Variants in KAZN observed in about 807,000 individuals in gnomAD.
KAZN encodes the protein kazrin.
Under a neutral mutation model 87.4 loss-of-function variants are expected in KAZN, and 40 were observed. That is an observed-to-expected ratio of 0.46 (90% CI 0.36 to 0.60). The LOEUF is 0.60. KAZN is among the 20% of genes least tolerant of loss of function. The pLI, the probability that KAZN is intolerant of heterozygous loss-of-function variation, is 0.00. For synonymous variants in KAZN, 466 were observed against 458.3 expected, an observed-to-expected ratio of 1.02 and a Z score of -0.22; for missense variants, 898 against 1,073.9, an observed-to-expected ratio of 0.84 and a Z score of 2.29.
In KAZN at chr1:14,869,680, G is replaced by A. The variant is rs538671187; in HGVS notation, c.227-91004G>A. On this transcript the variant is annotated intron_variant, in intron 1 of 14. Transcript: ENST00000376030. ...GGGGTTGAAAGCTGGCATGTGCCTCGTCTCTTGCTAATCAATATTCCAAAG... is the reference window on the plus strand; with the variant it reads ...GGGGTTGAAAGCTGGCATGTGCCTCATCTCTTGCTAATCAATATTCCAAAG... 1.7e-4 allele frequency among the ~76,000 whole-genome samples: 26 copies of A among 152,248 alleles called. No individual in the cohort carries two copies. In the East Asian group the frequency reaches 4.8e-3, roughly 28 times the overall value.
chr1:14,654,321 G>A (rs1195925978), intron 1 of KAZN, among the ~76,000 whole-genome samples: 1 of 149,660 alleles, frequency 6.7e-6, no homozygotes, highest in Non-Finnish European at 1.5e-5. Flanking sequence ...TCCAGATATT[G>A]CCAGCAATGT....
chr1:14,810,434 G>A (rs953043537), intron 1 of KAZN, among the ~76,000 whole-genome samples: 1 of 152,078 alleles, frequency 6.6e-6, no homozygotes, highest in African/African-American at 2.4e-5. Context: ...GGCATCCTCA[G>A]CCCCCAGCCA....
chr1:14,587,163 C>T (rs1478814795), intron 2 of KAZN, among the ~76,000 whole-genome samples: 5 of 152,102 alleles, frequency 3.3e-5, no homozygotes, highest in African/African-American at 4.8e-5. Flanking sequence ...GGGCCAGGCG[C>T]GGTGGCTCAT....
In KAZN at chr1:14,104,035, G is replaced by C. The variant is rs1644316443; in HGVS notation, c.92-76400G>C. 2.0e-5 allele frequency among the ~76,000 whole-genome samples: 3 copies of C among 152,130 alleles called. 1 individual carries two copies. In the South Asian group the frequency reaches 6.2e-4, roughly 32 times the overall value. ...CAGGGATGCCTGTGGAGGGTGTTGG[G>C]GGTTACTGGAGACAGCGAAGACACT... On this transcript the variant is annotated intron_variant, in intron 1 of 16. Coordinates refer to the KAZN transcript ENST00000636203.
At chr1:15,078,704 T>C (rs1433651638) in intron 8 of KAZN, among the ~76,000 whole-genome samples, 1 of 152,172 alleles carries the variant, frequency 6.6e-6, no homozygotes, top group Non-Finnish European at 1.5e-5. Context: ...TAACAGATTC[T>C]AGAAGGGCAT....
At chr1:14,356,257 C>CAT (rs1659019126) in intron 2 of KAZN, among the ~76,000 whole-genome samples, 1 of 152,100 alleles carries the variant, frequency 6.6e-6, no homozygotes, top group Non-Finnish European at 1.5e-5. Flanking sequence ...ATATCCTTTG[C>CAT]CCACTTTTTG....
At chr1:13,936,418 C>T (rs1262843970) in intron 1 of KAZN, among the ~76,000 whole-genome samples, 2 of 151,970 alleles carry the variant, frequency 1.3e-5, no homozygotes, top group Non-Finnish European at 1.5e-5. Flanking sequence ...TGCAGTTTTG[C>T]TATATGGATA....
chr1:14,031,900 T>C (rs146450474), intron 1 of KAZN, among the ~76,000 whole-genome samples: 1 of 145,046 alleles, frequency 6.9e-6, no homozygotes, highest in African/African-American at 2.9e-5. Context: ...GCTTTTCTTG[T>C]TAACAAAACC....
intron 2 of KAZN, among the ~76,000 whole-genome samples, chr1:14,338,399 C>A (rs1184854156): frequency 6.6e-6 from 1 of 150,418 alleles, no homozygotes; most frequent in African/African-American, 2.4e-5. Flanking sequence ...GCAGGAGAAT[C>A]GCTGGAACTT....
chr1:14,924,634 G>T (rs1471342282), intron 1 of KAZN: 39 of 937,654 alleles, frequency 4.2e-5, no homozygotes, highest in Admixed American at 6.0e-5. Context: ...AGCCGCCGGG[G>T]CCGGGCGCGC....
chr1:13,981,089 T>TTATATATATATATATATATATA lies in KAZN; in HGVS notation c.91+87354_91+87355insATATATATATATATATATATAT, dbSNP rs1205017791. The stretch of plus-strand genomic sequence containing the variant: ...TTGGAGAGGTATAAAAAATTACTCT[T>TTATATATATATATATATATATA]TATATATATATATATATATATGTAT... On this transcript the variant is annotated intron_variant, in intron 1 of 16. Transcript: ENST00000636203. Among the ~76,000 whole-genome samples, 82 of 63,104 alleles carry TTATATATATATATATATATATA rather than the reference T, an allele frequency of 1.3e-3. 9 individuals carry two copies. Among genetic ancestry groups the TTATATATATATATATATATATA allele is most frequent in the African/African-American group, 4.5e-3 (77 of 17,208 alleles). The allele number at this position is 63,104 out of a possible 152,430, so 41.4% of individuals were successfully genotyped here.
intron 1 of KAZN, among the ~76,000 whole-genome samples, chr1:14,777,085 C>G (rs1645199102): frequency 6.6e-6 from 1 of 152,190 alleles, no homozygotes; most frequent in African/African-American, 2.4e-5. Flanking sequence ...ACTGCAAGTG[C>G]TGCCTCCCGG....
At chr1:14,423,654 C>A (rs1159010804) in intron 2 of KAZN, among the ~76,000 whole-genome samples, 1 of 152,190 alleles carries the variant, frequency 6.6e-6, no homozygotes, top group Non-Finnish European at 1.5e-5. Context: ...CATAGTCACT[C>A]TGTAACCATA....
At chr1:14,110,578 G>T (rs1644480151) in intron 1 of KAZN, among the ~76,000 whole-genome samples, 1 of 139,348 alleles carries the variant, frequency 7.2e-6, no homozygotes, top group African/African-American at 2.7e-5. Flanking sequence ...CTCTTAGGAG[G>T]TTTTATTTGC....
chr1:14,802,890 G>A (rs958627695), intron 1 of KAZN, among the ~76,000 whole-genome samples: 2 of 152,174 alleles, frequency 1.3e-5, no homozygotes, highest in Non-Finnish European at 2.9e-5. Context: ...CGAGGAGTGA[G>A]CAGCATTGGC....
intron 1 of KAZN, among the ~76,000 whole-genome samples, chr1:14,684,614 T>C (rs1467364756): frequency 6.6e-6 from 1 of 152,186 alleles, no homozygotes; most frequent in Non-Finnish European, 1.5e-5. Context: ...AGGAGAGATG[T>C]TTCTTCGCTC....
At chr1:15,103,900 T>C in intron 12 of KAZN, 123 bp from the exon 13 acceptor site, 1 of 996,824 alleles carries the variant, frequency 1.0e-6, no homozygotes, top group Non-Finnish European at 1.5e-6. Flanking sequence ...CACCGTCAAA[T>C]TAACTGGTCC....
chr1:14,089,622 A>C (rs998951076), intron 1 of KAZN, among the ~76,000 whole-genome samples: 2 of 152,192 alleles, frequency 1.3e-5, no homozygotes, highest in African/African-American at 2.4e-5. Flanking sequence ...CATGTGGTCT[A>C]AACTCCACAG....
intron 2 of KAZN, among the ~76,000 whole-genome samples, chr1:14,239,508 T>C (rs926190657): frequency 7.1e-6 from 1 of 140,808 alleles, no homozygotes; most frequent in African/African-American, 2.7e-5. Context: ...TTGCCCAGGC[T>C]GGAGTGCAAT....
Sources: gnomAD v4.1 joint callset for allele counts (sites outside exome capture counted in the v4.1 genomes callset) on GRCh38, gnomAD v4.1.1 for gene constraint, MANE v1.5 for transcripts, NCBI Gene and HGNC (gene_info 2026-07-23, HGNC 2026-07-21) for gene names.